AOPEP: variants seen among roughly 807,000 people sequenced by gnomAD.
AOPEP encodes aminopeptidase O.
Under a neutral mutation model 98.1 loss-of-function variants are expected in AOPEP, and 77 were observed. The observed-to-expected ratio is 0.78, with a 90% confidence interval of 0.65 to 0.95. The LOEUF is 0.95. AOPEP is among the 40% of genes least tolerant of loss of function. The pLI is 0.00. For synonymous variants in AOPEP, 346 were observed against 365.3 expected (o/e 0.95, Z 0.60); for missense variants, 1,024 against 1,024.7 (o/e 1.00, Z 0.01).
chr9:94,984,830 G>A (rs2060416568), intron 11 of AOPEP, among the ~76,000 whole-genome samples: 1 of 152,222 alleles, frequency 6.6e-6, no homozygotes, highest in African/African-American at 2.4e-5. Context: ...GAAATCGTCT[G>A]TATTTTTGTC....
intron 13 of AOPEP, among the ~76,000 whole-genome samples, chr9:95,024,057 A>G (rs1319606582): frequency 1.3e-5 from 2 of 152,226 alleles, no homozygotes; most frequent in Admixed American, 1.3e-4. Context: ...GAAACTCCAC[A>G]TGCCCTGTAA....
At chr9:95,086,654 A>G (rs1216306118) in intron 16 of AOPEP, 28 bp from the exon 17 acceptor site, 1 of 987,972 alleles carries the variant, frequency 1.0e-6, no homozygotes, top group Non-Finnish European at 1.2e-6. Context: ...TGACTGGGTA[A>G]TCAATGTTAC....
At chr9:94,753,151 G>T (rs1588051080) in intron 1 of AOPEP, among the ~76,000 whole-genome samples, 1 of 152,048 alleles carries the variant, frequency 6.6e-6, no homozygotes, top group Non-Finnish European at 1.5e-5. Flanking sequence ...ATGACCTATA[G>T]AATATAATAA....
chr9:94,838,876 G>T, intron 5 of AOPEP, among the ~76,000 whole-genome samples: 1 of 147,164 alleles, frequency 6.8e-6, no homozygotes, highest in Admixed American at 6.8e-5. Context: ...ACTTTTTTTG[G>T]AATTACTATA....
At chr9:95,092,082 G>GCACA (rs142129948), downstream of AOPEP, among the ~76,000 whole-genome samples, 6 of 138,362 alleles carry the variant, frequency 4.3e-5, no homozygotes, top group Non-Finnish European at 8.0e-5. Flanking sequence ...GTGTGTGTGT[G>GCACA]CACACACACA....
chr9:94,886,958 T>A (rs2048312571), intron 5 of AOPEP, among the ~76,000 whole-genome samples: 1 of 152,218 alleles, frequency 6.6e-6, no homozygotes, highest in African/African-American at 2.4e-5. Context: ...ATACAGTCCA[T>A]AATGAAATAT....
the AOPEP span, among the ~76,000 whole-genome samples, chr9:95,105,748 G>A: frequency 1.4e-4 from 21 of 152,302 alleles, no homozygotes; most frequent in African/African-American, 5.1e-4. Context: ...CTCGTTTCTG[G>A]CTTATTTCAA....
At chr9:94,731,490 T>C (rs979525939) in intron 1 of AOPEP, among the ~76,000 whole-genome samples, 1 of 152,068 alleles carries the variant, frequency 6.6e-6, no homozygotes, top group South Asian at 2.1e-4. Context: ...CCTCCCAAAG[T>C]GCTGGGATTA....
rs73654300 is a variant in AOPEP at position 94,853,740 on chromosome 9, C to T, written c.1364+52738C>T. 6.5e-3 allele frequency among the ~76,000 whole-genome samples: 990 copies of T among 152,224 alleles called. 6 individuals carry two copies. The highest frequency in any genetic ancestry group is 0.023 in the African/African-American group (940 of 41,520). On this transcript the variant is annotated intron_variant, in intron 5 of 16. Transcript: ENST00000375315. ...CACACAGAGAAAACAAGGTACAAGT[C>T]GCACTACTATTGGAAAGCTTAGTAA... is the stretch of plus-strand genomic sequence containing the variant.
intron 1 of AOPEP, among the ~76,000 whole-genome samples, chr9:94,729,912 A>G (rs559931575): frequency 6.6e-6 from 1 of 152,330 alleles, no homozygotes; most frequent in South Asian, 2.1e-4. Context: ...TAAGCAAGAG[A>G]AAGAGTAGGA....
intron 13 of AOPEP, among the ~76,000 whole-genome samples, chr9:95,014,754 C>T (rs967194041): frequency 8.5e-5 from 13 of 152,124 alleles, no homozygotes; most frequent in Non-Finnish European, 1.9e-4. Flanking sequence ...ATGTTAGTTC[C>T]CCACTCAGAA....
intron 1 of AOPEP, among the ~76,000 whole-genome samples, chr9:94,749,393 C>G (rs966441364): frequency 1.3e-5 from 2 of 152,098 alleles, no homozygotes; most frequent in African/African-American, 4.8e-5. Flanking sequence ...GCCATGTCTC[C>G]AAGGAGGGCT....
At chr9:94,774,238 G>C (rs1841557518) in intron 3 of AOPEP, among the ~76,000 whole-genome samples, 1 of 150,074 alleles carries the variant, frequency 6.7e-6, no homozygotes, top group African/African-American at 2.5e-5. Flanking sequence ...CGTGAACCTG[G>C]GAGATGGAGC....
At chr9:94,940,287 A>G (rs1012538468) in intron 7 of AOPEP, among the ~76,000 whole-genome samples, 5 of 152,194 alleles carry the variant, frequency 3.3e-5, no homozygotes, top group African/African-American at 4.8e-5. Flanking sequence ...ATCACAGGCA[A>G]TTGCTGTTTT....
chr9:94,850,609 G>T (rs1045544968), intron 5 of AOPEP, among the ~76,000 whole-genome samples: 2 of 152,208 alleles, frequency 1.3e-5, no homozygotes, highest in Admixed American at 1.3e-4. Flanking sequence ...CCCGACTCCA[G>T]AGTGGTGCCC....
At chr9:94,897,018 G>T (rs1183376224) in intron 5 of AOPEP, among the ~76,000 whole-genome samples, 2 of 151,344 alleles carry the variant, frequency 1.3e-5, no homozygotes, top group Admixed American at 6.6e-5. Context: ...GAAACATAAG[G>T]TGTATAGTTT....
At chr9:94,902,471 C>G (rs1355386954) in intron 5 of AOPEP, among the ~76,000 whole-genome samples, 1 of 152,084 alleles carries the variant, frequency 6.6e-6, no homozygotes, top group Non-Finnish European at 1.5e-5. Context: ...TGTATTGTAT[C>G]CAAAAGAAAT....
chr9:94,956,023 A>G lies in AOPEP; in HGVS notation c.1872+8A>G. On this transcript the variant is annotated splice_region_variant and intron_variant, in intron 9 of 16. Transcript: ENST00000375315. ...CAGCTGATTCTTTCCCAGGTAACTT[A>G]TGGGTCCTCATGAGTCCATGATGTA... is the stretch of plus-strand genomic sequence containing the variant. 6.5e-7 allele frequency: 1 copy of G among 1,529,784 alleles called. No individual in the cohort carries two copies. The highest frequency in any genetic ancestry group is 9.1e-7 in the Non-Finnish European group (1 of 1,103,886). The allele number at this position is 1,529,784 out of a possible 1,614,324, so 94.8% of individuals were successfully genotyped here. A position where few individuals can be genotyped will look rare whatever the true frequency, so the allele number is the denominator to read the frequency against.
the AOPEP span, chr9:95,101,317 G>A: frequency 7.1e-5 from 24 of 338,300 alleles, no homozygotes; most frequent in African/African-American, 4.5e-4. Flanking sequence ...ATTCTTTAAT[G>A]GTTCATGACC....
Sources: gnomAD v4.1 joint callset for allele counts (sites outside exome capture counted in the v4.1 genomes callset) on GRCh38, gnomAD v4.1.1 for gene constraint, MANE v1.5 for transcripts, NCBI Gene and HGNC (gene_info 2026-07-23, HGNC 2026-07-21) for gene names.